TRPC7: variants seen among roughly 807,000 people sequenced by gnomAD.
TRPC7 encodes transient receptor potential cation channel subfamily C member 7, also known as short transient receptor potential channel 7.
In TRPC7, 42 loss-of-function variants were observed where a neutral mutation model predicts 90.1. That is an observed-to-expected ratio of 0.47 (90% CI 0.36 to 0.60). TRPC7 has a LOEUF of 0.60. Ranked by LOEUF, TRPC7 falls within the 20% of genes least tolerant of loss-of-function variation. TRPC7 has a pLI of 0.00. For synonymous variants in TRPC7, 451 were observed against 436.3 expected, an observed-to-expected ratio of 1.03 and a Z score of -0.42; for missense variants, 955 against 1,112.3, an observed-to-expected ratio of 0.86 and a Z score of 2.01.
At chr5:136,287,687 C>CAAAAAAAAAAAAAAAAAAAA (rs767031610) in intron 3 of TRPC7, among the ~76,000 whole-genome samples, 14 of 59,516 alleles carry the variant, frequency 2.4e-4, no homozygotes, top group East Asian at 6.0e-4. Flanking sequence ...AGTGGATGCT[C>CAAAAAAAAAAAAAAAAAAAA]AAAAAAAAAA....
At chr5:136,339,506 A>G (rs1759776593) in intron 2 of TRPC7, among the ~76,000 whole-genome samples, 1 of 152,190 alleles carries the variant, frequency 6.6e-6, no homozygotes, top group Non-Finnish European at 1.5e-5. Flanking sequence ...TATAGATAAC[A>G]TCACTATTGT....
In TRPC7 at chr5:136,359,223, C is replaced by T. The variant is rs568580792; in HGVS notation, c.3-1838G>A. On this transcript the variant is annotated intron_variant, in intron 1 of 11. Coordinates refer to ENST00000513104, the MANE Select transcript of TRPC7 (RefSeq NM_020389.3). ...TGGGGGCCGTATGTCTGGTATAAAG[C>T]AAATAATGCAGATCAGATCTTGGTA... Among the ~76,000 whole-genome samples the T allele has an allele frequency of 7.2e-5, 11 of 152,292 alleles. No individual in the cohort carries two copies. The East Asian group carries it at 1.9e-3, about 27-fold the overall frequency.
At chr5:136,240,248 T>G (rs1193369723) in intron 7 of TRPC7, among the ~76,000 whole-genome samples, 1 of 152,216 alleles carries the variant, frequency 6.6e-6, no homozygotes, top group East Asian at 1.9e-4. Flanking sequence ...AAGCCTTCTC[T>G]GACTGCCAGG....
intron 2 of TRPC7, among the ~76,000 whole-genome samples, chr5:136,346,584 C>T (rs1337704003): frequency 6.6e-6 from 1 of 152,166 alleles, no homozygotes; most frequent in Non-Finnish European, 1.5e-5. Flanking sequence ...CGGACACACA[C>T]ATTTATGAAG....
At chr5:136,234,687 G>T (rs1247600572) in intron 7 of TRPC7, among the ~76,000 whole-genome samples, 7 of 152,180 alleles carry the variant, frequency 4.6e-5, no homozygotes, top group African/African-American at 1.7e-4. Flanking sequence ...AATGAATGAG[G>T]TAATAAAATC....
chr5:136,267,477 C>T (rs565232802), intron 4 of TRPC7, among the ~76,000 whole-genome samples: 1 of 152,332 alleles, frequency 6.6e-6, no homozygotes, highest in South Asian at 2.1e-4. Context: ...TTGACATTCA[C>T]ATTCTGCCTC....
intron 1 of TRPC7, among the ~76,000 whole-genome samples, chr5:136,359,779 C>CACAA (rs1250972071): frequency 6.6e-6 from 1 of 151,870 alleles, no homozygotes; most frequent in Non-Finnish European, 1.5e-5. Flanking sequence ...TCTGGGCACA[C>CACAA]ACACACACAC....
At chr5:136,284,151 G>A (rs886495891) in intron 3 of TRPC7, among the ~76,000 whole-genome samples, 6 of 152,146 alleles carry the variant, frequency 3.9e-5, no homozygotes, top group Non-Finnish European at 1.5e-5. Context: ...GCATGTTTTG[G>A]TCATACAGGA....
At chr5:136,338,365 G>A (rs954507146) in intron 2 of TRPC7, among the ~76,000 whole-genome samples, 1 of 152,110 alleles carries the variant, frequency 6.6e-6, no homozygotes, top group African/African-American at 2.4e-5. Flanking sequence ...AGTTTTCTCA[G>A]ATCTTACAGC....
At chr5:136,365,128 AAAAATCTAAGCAGTGCAC>A in intron 1 of TRPC7, 107 bp downstream of exon 1, 1 of 1,111,434 alleles carries the variant, frequency 9.0e-7, no homozygotes, top group Non-Finnish European at 1.3e-6. Context: ...AGATCCATCT[AAAAATCTAAGCAGTGCAC>A]TAGAGGAAGA....
At chr5:136,317,267 C>T (rs1287549211) in intron 2 of TRPC7, among the ~76,000 whole-genome samples, 1 of 151,880 alleles carries the variant, frequency 6.6e-6, no homozygotes, top group East Asian at 1.9e-4. Flanking sequence ...ATTGGAAGAG[C>T]CATGCTCTAC....
rs1760390246 is a variant in TRPC7 at position 136,356,728 on chromosome 5, G to A, written c.660C>T (p.Asn220=). 1.2e-6 allele frequency: 2 copies of A among 1,612,310 alleles called. No homozygotes were observed. The highest frequency in any genetic ancestry group is 1.7e-6 in the Non-Finnish European group (2 of 1,178,976). The change falls in exon 2 of 12, where the codon AAC becomes AAT. Residue 220 remains asparagine (N), a synonymous_variant. Transcript: ENST00000513104. Reference sequence around the variant, plus strand: ...CAGCACTCGCCAGTCCTTTGTAGGCGTTCATGCGCGAGCGCGAGTGGCTGA... The same window carrying A: ...CAGCACTCGCCAGTCCTTTGTAGGCATTCATGCGCGAGCGCGAGTGGCTGA... ...DSFSHSRSRM[N]AYKGLASAAY...
At chr5:136,333,578 T>G (rs1188983085) in intron 2 of TRPC7, among the ~76,000 whole-genome samples, 1 of 152,194 alleles carries the variant, frequency 6.6e-6, no homozygotes. Flanking sequence ...TGGCCTTATG[T>G]GGAGGACAGC....
chr5:136,357,219 G>C lies in TRPC7; in HGVS notation c.169C>G (p.Pro57Ala). ...FLDSAEYGNI[P>A]VVRKMLEESK... ...TCCTCCAGCATTTTCCGGACCACCG[G>C]GATGTTGCCATACTCAGCCGAGTCC... Residue 57 changes from proline (P) to alanine (A), a missense_variant, in exon 2 of 12, where the codon CCG (proline) becomes GCG (alanine). Physicochemically the swap from Pro to Ala is conservative, Grantham distance 27. This residue lies in a region of TRPC7 where 161 missense variants were observed against 145.7 expected (regional missense o/e 1.10). Coordinates refer to ENST00000513104, the MANE Select transcript of TRPC7 (RefSeq NM_020389.3). The C allele has an allele frequency of 1.9e-6, 3 of 1,613,962 alleles. No homozygotes were observed. Among genetic ancestry groups the C allele is most frequent in the Non-Finnish European group, 2.5e-6 (3 of 1,180,010 alleles).
chr5:136,258,842 C>G (rs1029226784), intron 5 of TRPC7, among the ~76,000 whole-genome samples: 16 of 152,338 alleles, frequency 1.1e-4, no homozygotes, highest in African/African-American at 3.8e-4. Flanking sequence ...GCATCTGCCT[C>G]TCTGTTCTCT....
chr5:136,301,349 T>G (rs972059615), intron 3 of TRPC7, among the ~76,000 whole-genome samples: 2 of 124,850 alleles, frequency 1.6e-5, no homozygotes, highest in African/African-American at 6.2e-5. Context: ...TTTTTTTTTT[T>G]TTTTTTTTTT....
At chr5:136,288,438 C>T (rs977987536) in intron 3 of TRPC7, among the ~76,000 whole-genome samples, 2 of 144,682 alleles carry the variant, frequency 1.4e-5, no homozygotes, top group Non-Finnish European at 3.0e-5. Context: ...TAGAGTGTAA[C>T]AACATGGAGT....
intron 11 of TRPC7, among the ~76,000 whole-genome samples, chr5:136,214,873 C>T (rs1252189193): frequency 6.6e-6 from 1 of 152,178 alleles, no homozygotes; most frequent in Non-Finnish European, 1.5e-5. Context: ...AAATATTTGT[C>T]ATAAGTATCT....
intron 7 of TRPC7, among the ~76,000 whole-genome samples, chr5:136,232,766 AG>A (rs1297371269): frequency 6.6e-5 from 10 of 152,252 alleles, no homozygotes; most frequent in African/African-American, 2.4e-4. Context: ...TTTGGTTGGG[AG>A]GTTTAGACCA....
Sources: gnomAD v4.1 joint callset for allele counts (sites outside exome capture counted in the v4.1 genomes callset) on GRCh38, gnomAD v4.1.1 for gene constraint, gnomAD v4.1.1 regional missense constraint, MANE v1.5 for transcripts, NCBI Gene and HGNC (gene_info 2026-07-23, HGNC 2026-07-21) for gene names.